Variants in WNT2B observed in about 807,000 individuals in gnomAD.
The protein encoded by WNT2B is protein Wnt-2b.
In WNT2B, 19 loss-of-function variants were observed where a neutral mutation model predicts 40.5. That is an observed-to-expected ratio of 0.47 (90% CI 0.33 to 0.69). WNT2B has a LOEUF of 0.69. Among genes scored for constraint, WNT2B ranks in the 30% least tolerant of loss-of-function variants. The probability of loss-of-function intolerance (pLI) is 0.02; values close to 1 mark genes in which losing one functional copy is unlikely to be tolerated. For missense variants in WNT2B, 467 were observed against 556.4 expected, an observed-to-expected ratio of 0.84 and a Z score of 1.62; for synonymous variants, 220 against 211.9, an observed-to-expected ratio of 1.04 and a Z score of -0.33.
At chr1:112,480,750 G>A (rs909594885) in intron 1 of WNT2B, among the ~76,000 whole-genome samples, 9 of 152,242 alleles carry the variant, frequency 5.9e-5, no homozygotes, top group African/African-American at 2.2e-4. Context: ...AAATTACCCT[G>A]ATACCAAAAC....
intron 1 of WNT2B, among the ~76,000 whole-genome samples, chr1:112,483,212 ACACAC>A: frequency 1.4e-5 from 1 of 69,820 alleles, no homozygotes; most frequent in East Asian, 5.1e-4. Context: ...ACACACACAC[ACACAC>A]ACACATATAC....
intron 4 of WNT2B, among the ~76,000 whole-genome samples, chr1:112,519,321 C>A (rs1412016269): frequency 6.6e-6 from 1 of 152,176 alleles, no homozygotes; most frequent in Admixed American, 6.5e-5. Context: ...CATAGAAGTT[C>A]TAGCATTTTC....
intron 1 of WNT2B, among the ~76,000 whole-genome samples, chr1:112,501,190 A>G: frequency 6.6e-6 from 1 of 152,166 alleles, no homozygotes; most frequent in East Asian, 1.9e-4. Context: ...TTTCTTGATT[A>G]GACCGGGGTA....
chr1:112,502,502 T>C (rs970661197), intron 1 of WNT2B, among the ~76,000 whole-genome samples: 1 of 152,268 alleles, frequency 6.6e-6, no homozygotes, highest in Non-Finnish European at 1.5e-5. Context: ...GGGAATGCTT[T>C]GATCTTATCA....
intron 1 of WNT2B, among the ~76,000 whole-genome samples, chr1:112,468,898 G>C (rs1650788639): frequency 6.6e-6 from 1 of 152,048 alleles, no homozygotes; most frequent in African/African-American, 2.4e-5. Flanking sequence ...GCCCTGAAGA[G>C]TTTTTCTTAT....
intron 1 of WNT2B, among the ~76,000 whole-genome samples, chr1:112,490,113 A>G (rs1329596895): frequency 7.4e-6 from 1 of 134,660 alleles, no homozygotes; most frequent in Non-Finnish European, 1.7e-5. Context: ...GGGAAATGGG[A>G]TACAGGAAAT....
chr1:112,477,045 G>C lies in WNT2B; in HGVS notation c.-95+9454G>C, dbSNP rs559024310. Among the ~76,000 whole-genome samples, 4 of 152,272 alleles carry C rather than the reference G, an allele frequency of 2.6e-5. No homozygotes were observed. The South Asian group carries it at 8.3e-4, about 32-fold the overall frequency. On this transcript the variant is annotated intron_variant, in intron 1 of 4. Transcript: ENST00000256640. ...TGCACTGTGGATCTGGCACAAAAAGGGATCCCATCAGCTGTGAAGTTCCCC... is the reference window on the plus strand; with the variant it reads ...TGCACTGTGGATCTGGCACAAAAAGCGATCCCATCAGCTGTGAAGTTCCCC...
intron 1 of WNT2B, among the ~76,000 whole-genome samples, chr1:112,490,555 T>G (rs1651566433): frequency 6.6e-6 from 1 of 151,036 alleles, no homozygotes; most frequent in Admixed American, 6.6e-5. Context: ...AGAGGCAGGA[T>G]CTCAGCTCAC....
chr1:112,526,132 C>T lies in WNT2B; in HGVS notation c.*5623C>T. On this transcript the variant is annotated 3_prime_UTR_variant, in exon 5 of 5. Transcript: ENST00000369684. ...AGCACCTTCAAAACAGAAATTGATA[C>T]AAAATGTTCAAGCCCTGTAGGAGTC... The T allele has an allele frequency of 6.2e-7, 1 of 1,613,890 alleles. No homozygotes were observed. Among genetic ancestry groups the T allele is most frequent in the East Asian group, 2.2e-5 (1 of 44,874 alleles).
chr1:112,469,993 C>T (rs1650824683), intron 1 of WNT2B, among the ~76,000 whole-genome samples: 1 of 152,208 alleles, frequency 6.6e-6, no homozygotes, highest in Admixed American at 6.5e-5. Context: ...AGTCATTCTA[C>T]TCAAGATATG....
intron 1 of WNT2B, among the ~76,000 whole-genome samples, chr1:112,483,787 AAAAAAG>A (rs1651309448): frequency 6.6e-6 from 1 of 150,764 alleles, no homozygotes; most frequent in Non-Finnish European, 1.5e-5. Context: ...AACAAAAAAA[AAAAAAG>A]AAAGAGAGAA....
intron 1 of WNT2B, among the ~76,000 whole-genome samples, chr1:112,512,173 G>A (rs909903512): frequency 1.4e-4 from 22 of 152,350 alleles, no homozygotes; most frequent in African/African-American, 5.3e-4. Context: ...AAGTAAAGCT[G>A]TAATGGAAAT....
rs201205246 is a variant in WNT2B, at chr1:112,480,934, C to T, written c.-95+13343C>T. Among the ~76,000 whole-genome samples, 6 of 152,038 alleles carry T rather than the reference C, an allele frequency of 3.9e-5. No individual in the cohort carries two copies. The East Asian group carries it at 1.2e-3, about 29-fold the overall frequency. ...CTGTAATCCCAGCACTTTGGGAGGCCGAGGTGGATGGATCACCTGAGGTCG... is the reference window on the plus strand; with the variant it reads ...CTGTAATCCCAGCACTTTGGGAGGCTGAGGTGGATGGATCACCTGAGGTCG... On this transcript the variant is annotated intron_variant, in intron 1 of 4. Coordinates refer to the WNT2B transcript ENST00000256640.
chr1:112,503,165 G>T (rs1652009857), intron 1 of WNT2B, among the ~76,000 whole-genome samples: 1 of 152,094 alleles, frequency 6.6e-6, no homozygotes, highest in African/African-American at 2.4e-5. Flanking sequence ...GGGGCCTGCT[G>T]GCTAACAGTA....
intron 1 of WNT2B, among the ~76,000 whole-genome samples, chr1:112,499,602 A>C (rs560719424): frequency 6.6e-6 from 1 of 152,218 alleles, no homozygotes; most frequent in South Asian, 2.1e-4. Flanking sequence ...ACACCCATTC[A>C]TTAAACTCTC....
intron 1 of WNT2B, among the ~76,000 whole-genome samples, chr1:112,486,674 A>T (rs1651428500): frequency 1.3e-5 from 2 of 152,022 alleles, no homozygotes; most frequent in African/African-American, 2.4e-5. Context: ...AAAAAACCCA[A>T]TAAAAATAGG....
chr1:112,526,372 G>T lies in WNT2B; in HGVS notation c.*5863G>T. ...AGATTAACATTAAAAATTTTATCTA[G>T]TCCTTTTGAAATTATGCTAAATGTA... On this transcript the variant is annotated 3_prime_UTR_variant, in exon 5 of 5. Coordinates refer to ENST00000369684, the MANE Select transcript of WNT2B (RefSeq NM_024494.3). 5.3e-6 allele frequency: 2 copies of T among 374,088 alleles called. No individual in the cohort carries two copies. The highest frequency in any genetic ancestry group is 9.7e-6 in the Non-Finnish European group (2 of 205,242). The allele number at this position is 374,088 out of a possible 1,614,324, so 23.2% of individuals were successfully genotyped here.
intron 1 of WNT2B, among the ~76,000 whole-genome samples, chr1:112,484,298 C>CACACAT (rs1274210896): frequency 8.6e-6 from 1 of 116,440 alleles, no homozygotes; most frequent in African/African-American, 4.0e-5. Flanking sequence ...TATACACACA[C>CACACAT]ATATATATAG....
intron 1 of WNT2B, among the ~76,000 whole-genome samples, chr1:112,492,841 C>T (rs530459313): frequency 6.6e-6 from 1 of 152,166 alleles, no homozygotes; most frequent in Non-Finnish European, 1.5e-5. Flanking sequence ...TTGCGAGGTG[C>T]GCAGTCCAGA....
Sources: gnomAD v4.1 joint callset for allele counts (sites outside exome capture counted in the v4.1 genomes callset) on GRCh38, gnomAD v4.1.1 for gene constraint, MANE v1.5 for transcripts, NCBI Gene and HGNC (gene_info 2026-07-23, HGNC 2026-07-21) for gene names.